TEX29: variants seen among roughly 807,000 people sequenced by gnomAD.
TEX29 encodes the protein testis-expressed protein 29.
In TEX29, 26 loss-of-function variants were observed where a neutral mutation model predicts 18.2. The observed-to-expected ratio is 1.43, with a 90% CI of 1.04 to 1.98. The LOEUF (loss-of-function observed/expected upper bound fraction) is 1.98, where lower values mean the gene tolerates loss of function less well. TEX29 is among the 30% of genes most tolerant of loss of function. The pLI, the probability that TEX29 is intolerant of heterozygous loss-of-function variation, is 0.00. For synonymous variants in TEX29, 83 were observed against 78.5 expected, an observed-to-expected ratio of 1.06 and a Z score of -0.31; for missense variants, 177 against 194.2, an observed-to-expected ratio of 0.91 and a Z score of 0.53.
intron 3 of TEX29, among the ~76,000 whole-genome samples, chr13:111,335,718 T>G (rs1046793622): frequency 6.6e-6 from 1 of 152,186 alleles, no homozygotes; most frequent in Non-Finnish European, 1.5e-5. Context: ...AAAAGGTATT[T>G]AAGTTTATTC....
intron 4 of TEX29, 104 bp downstream of exon 4, chr13:111,340,036 G>A: frequency 2.8e-6 from 3 of 1,073,260 alleles, no homozygotes; most frequent in Non-Finnish European, 4.3e-6. Context: ...GGTGCTGCTG[G>A]GGTGACTGAG....
chr13:111,322,146 C>A (rs543861892), intron 2 of TEX29, among the ~76,000 whole-genome samples: 156 of 152,346 alleles, frequency 1.0e-3, no homozygotes, highest in African/African-American at 3.6e-3. Flanking sequence ...GACTGCGAGG[C>A]CTTCCAAGGC....
chr13:111,335,780 A>G (rs1328811902), intron 3 of TEX29, among the ~76,000 whole-genome samples: 1 of 152,200 alleles, frequency 6.6e-6, no homozygotes, highest in Non-Finnish European at 1.5e-5. Context: ...TCACATCCCA[A>G]TGAAGCAGAG....
In TEX29 at chr13:111,326,936, G is replaced by A. The variant is rs564430929; in HGVS notation, c.59-1247G>A. The stretch of plus-strand genomic sequence containing the variant: ...TCCTAGTCACCCACTGTAGACACAT[G>A]GGCTGCTGCATAGAACGTGGGGGAC... On this transcript the variant is annotated intron_variant, in intron 2 of 5. Coordinates refer to ENST00000283547, the MANE Select transcript of TEX29 (RefSeq NM_152324.3). Among the ~76,000 whole-genome samples, 10 of 152,246 alleles carry A rather than the reference G, an allele frequency of 6.6e-5. No homozygotes were observed. In the South Asian group the frequency reaches 2.1e-3, roughly 32 times the overall value.
intron 2 of TEX29, among the ~76,000 whole-genome samples, chr13:111,321,587 G>A (rs1161773460): frequency 1.3e-5 from 2 of 151,816 alleles, no homozygotes; most frequent in African/African-American, 2.4e-5. Flanking sequence ...TGGATCTTGT[G>A]TTCATGCAAT....
At chr13:111,338,165 T>C (rs1314099822) in intron 3 of TEX29, among the ~76,000 whole-genome samples, 6 of 152,114 alleles carry the variant, frequency 3.9e-5, no homozygotes, top group Non-Finnish European at 8.8e-5. Context: ...CCAATGCATA[T>C]GTTGAAGTTT....
chr13:111,333,592 C>G (rs1325757211), intron 3 of TEX29, among the ~76,000 whole-genome samples: 2 of 152,172 alleles, frequency 1.3e-5, no homozygotes, highest in African/African-American at 2.4e-5. Flanking sequence ...TTGATATCTT[C>G]TATTTGATGA....
At chr13:111,328,998 C>T (rs754280288) in intron 3 of TEX29, among the ~76,000 whole-genome samples, 13 of 152,218 alleles carry the variant, frequency 8.5e-5, no homozygotes, top group Non-Finnish European at 1.3e-4. Context: ...ATGGCCTGCG[C>T]GTGAAGGGCG....
upstream of TEX29, among the ~76,000 whole-genome samples, chr13:111,319,857 A>G (rs934291006): frequency 1.3e-5 from 2 of 152,194 alleles, no homozygotes; most frequent in African/African-American, 4.8e-5. Context: ...CTTCTTCCTC[A>G]TGAGTATCCC....
chr13:111,338,825 A>G (rs1404019642), intron 3 of TEX29, among the ~76,000 whole-genome samples: 4 of 152,378 alleles, frequency 2.6e-5, no homozygotes, highest in East Asian at 3.9e-4. Flanking sequence ...CGGAAGGAAC[A>G]TAGAAGAACA....
Position 111,328,299 on chromosome 13 carries a change from T to G in TEX29, c.169+6T>G. 1 of 1,608,198 alleles carries G rather than the reference T, an allele frequency of 6.2e-7. No individual in the cohort carries two copies. The highest frequency in any genetic ancestry group is 8.5e-7 in the Non-Finnish European group (1 of 1,175,732). ...CTACAAGAAAGCGGTTCCCAGTGAGTAGACGCCCCGGCCACCCCGTGGCGG... is the reference window on the plus strand; with the variant it reads ...CTACAAGAAAGCGGTTCCCAGTGAGGAGACGCCCCGGCCACCCCGTGGCGG... On this transcript the variant is annotated splice_donor_region_variant and intron_variant, in intron 3 of 5. Transcript: ENST00000283547.
upstream of TEX29, among the ~76,000 whole-genome samples, chr13:111,317,358 G>C (rs1595680179): frequency 6.6e-6 from 1 of 152,232 alleles, no homozygotes; most frequent in East Asian, 1.9e-4. Context: ...GGAATCAGCT[G>C]TCTTGTGTGG....
upstream of TEX29, among the ~76,000 whole-genome samples, chr13:111,319,764 AT>A (rs1218348239): frequency 6.6e-6 from 1 of 152,124 alleles, no homozygotes; most frequent in African/African-American, 2.4e-5. Context: ...AGATTCTGGG[AT>A]TACAGGTGCG....
intron 2 of TEX29, among the ~76,000 whole-genome samples, chr13:111,327,175 G>A (rs548124886): frequency 6.6e-6 from 1 of 152,372 alleles, no homozygotes; most frequent in East Asian, 1.9e-4. Context: ...TGTGCACTCT[G>A]CCTTGGCAGG....
chr13:111,322,372 A>T (rs1207875622), intron 2 of TEX29, among the ~76,000 whole-genome samples: 1 of 152,236 alleles, frequency 6.6e-6, no homozygotes, highest in Non-Finnish European at 1.5e-5. Flanking sequence ...AGCCAGGGCA[A>T]GCACGGGGGA....
At chr13:111,327,791 C>A (rs1191682711) in intron 2 of TEX29, among the ~76,000 whole-genome samples, 1 of 152,202 alleles carries the variant, frequency 6.6e-6, no homozygotes, top group Non-Finnish European at 1.5e-5. Flanking sequence ...ATCCTCAGGC[C>A]ATGCTGCTAA....
upstream of TEX29, among the ~76,000 whole-genome samples, chr13:111,319,040 G>T (rs973602570): frequency 2.6e-5 from 4 of 152,116 alleles, no homozygotes; most frequent in African/African-American, 9.7e-5. Flanking sequence ...GCTCTCTGAG[G>T]CCTCTTTAAT....
chr13:111,332,932 G>A (rs1023123126), intron 3 of TEX29, among the ~76,000 whole-genome samples: 10 of 152,148 alleles, frequency 6.6e-5, no homozygotes, highest in African/African-American at 1.9e-4. Flanking sequence ...CTTTGCCAGA[G>A]ATGAATATCC....
At chr13:111,329,466 C>G (rs1451583165) in intron 3 of TEX29, among the ~76,000 whole-genome samples, 1 of 151,250 alleles carries the variant, frequency 6.6e-6, no homozygotes. Context: ...CCTTCAGAGA[C>G]CAGGCACCAG....
Sources: gnomAD v4.1 joint callset for allele counts (sites outside exome capture counted in the v4.1 genomes callset) on GRCh38, gnomAD v4.1.1 for gene constraint, MANE v1.5 for transcripts, NCBI Gene and HGNC (gene_info 2026-07-23, HGNC 2026-07-21) for gene names.